The following NOX4 variants were observed in gnomAD, a reference collection of about 807,000 sequenced individuals.
NOX4 encodes the protein kidney oxidase-1.
NOX4 carries 69 observed loss-of-function variants against 87.6 expected under a neutral mutation model. The observed-to-expected ratio is 0.79, with a 90% CI of 0.65 to 0.96. The LOEUF is 0.96. Ranked by LOEUF, NOX4 falls within the 40% of genes least tolerant of loss-of-function variation. The probability of loss-of-function intolerance (pLI) is 0.00; values close to 1 mark genes in which losing one functional copy is unlikely to be tolerated. For synonymous variants in NOX4, 275 were observed against 238.2 expected, an observed-to-expected ratio of 1.15 and a Z score of -1.42; for missense variants, 680 against 681.5, an observed-to-expected ratio of 1.00 and a Z score of 0.02.
chr11:89,329,025 G>T (rs751628801), intron 17 of NOX4, among the ~76,000 whole-genome samples: 1 of 151,832 alleles, frequency 6.6e-6, no homozygotes, highest in Non-Finnish European at 1.5e-5. Context: ...ACCAGTCTGT[G>T]GTATATTGCT....
At chr11:89,407,086 C>T (rs914657213) in intron 8 of NOX4, among the ~76,000 whole-genome samples, 26 of 152,214 alleles carry the variant, frequency 1.7e-4, no homozygotes, top group African/African-American at 6.0e-4. Flanking sequence ...CACTGCCAAA[C>T]CTCTGCATCC....
upstream of NOX4, among the ~76,000 whole-genome samples, chr11:89,491,935 C>T (rs940734339): frequency 2.6e-5 from 4 of 152,112 alleles, no homozygotes; most frequent in Non-Finnish European, 5.9e-5. Context: ...CCCTGACAGC[C>T]TTACCTAAGG....
At chr11:89,327,447 CTTT>C (rs1187946985) in intron 17 of NOX4, among the ~76,000 whole-genome samples, 1 of 152,070 alleles carries the variant, frequency 6.6e-6, no homozygotes, top group Non-Finnish European at 1.5e-5. Flanking sequence ...TCATCTAGTT[CTTT>C]TTTATTTATG....
rs780329031 is a variant in NOX4 at position 89,402,387 on chromosome 11, G to A, written c.785C>T (p.Thr262Ile). Residue 262 changes from threonine (T) to isoleucine (I), a missense_variant, in exon 9 of 18, where the codon ACC becomes ATC. Thr to Ile is a moderately conservative substitution (Grantham distance 89). Coordinates refer to ENST00000263317, the MANE Select transcript of NOX4 (RefSeq NM_016931.5). The stretch of plus-strand genomic sequence containing the variant: ...ACAAATCTTCACAAATTTGTGCTGG[G>A]TAAACTCTGCCGGTTTTGAAAATCC... ...PEGFSKPAEF[T>I]QHKFVKICME... The A allele has an allele frequency of 3.7e-6, 6 of 1,613,142 alleles. No homozygotes were observed. In the African/African-American group the frequency reaches 6.7e-5, roughly 18 times the overall value.
chr11:89,338,373 A>G (rs142737675), intron 15 of NOX4, among the ~76,000 whole-genome samples: 7 of 152,092 alleles, frequency 4.6e-5, no homozygotes, highest in Non-Finnish European at 8.8e-5. Flanking sequence ...GTATATCATA[A>G]TTTGTTCATT....
chr11:89,468,227 T>C (rs771964488), intron 2 of NOX4, among the ~76,000 whole-genome samples: 22 of 152,188 alleles, frequency 1.4e-4, no homozygotes, highest in African/African-American at 4.8e-4. Context: ...TGTGTCTCTG[T>C]AACTTCCACC....
chr11:89,419,617 T>C (rs1942979170), intron 8 of NOX4, among the ~76,000 whole-genome samples: 1 of 151,438 alleles, frequency 6.6e-6, no homozygotes, highest in African/African-American at 2.4e-5. Flanking sequence ...TAAATACATA[T>C]TAATTTAGTT....
chr11:89,332,350 T>C (rs1945509997), intron 17 of NOX4, among the ~76,000 whole-genome samples: 1 of 151,886 alleles, frequency 6.6e-6, no homozygotes, highest in Admixed American at 6.6e-5. Flanking sequence ...GTAGTAATTC[T>C]CTACTCAAAA....
At chr11:89,527,706 G>T in the NOX4 span, among the ~76,000 whole-genome samples, 1 of 152,168 alleles carries the variant, frequency 6.6e-6, no homozygotes. Context: ...TGATGTTTGG[G>T]AACCTGTGCC....
chr11:89,563,775 A>G, the NOX4 span, among the ~76,000 whole-genome samples: 1 of 152,228 alleles, frequency 6.6e-6, no homozygotes, highest in South Asian at 2.1e-4. Flanking sequence ...AGTGTTTGCT[A>G]TATTATTTGT....
the NOX4 span, among the ~76,000 whole-genome samples, chr11:89,508,514 G>A: frequency 6.6e-6 from 1 of 152,164 alleles, no homozygotes; most frequent in Admixed American, 6.6e-5. Flanking sequence ...TTTTGAACGT[G>A]CCAGCTTCTA....
the NOX4 span, among the ~76,000 whole-genome samples, chr11:89,546,182 T>C: frequency 2.0e-5 from 3 of 152,172 alleles, no homozygotes; most frequent in African/African-American, 7.2e-5. Context: ...ATTACTCTTC[T>C]GCATAATTAT....
chr11:89,365,622 G>C (rs1938903867), intron 12 of NOX4, among the ~76,000 whole-genome samples: 1 of 151,154 alleles, frequency 6.6e-6, no homozygotes, highest in African/African-American at 2.4e-5. Context: ...TTCATCAAAA[G>C]AAACACCTCA....
the NOX4 span, among the ~76,000 whole-genome samples, chr11:89,539,299 G>A: frequency 7.9e-5 from 12 of 152,102 alleles, no homozygotes; most frequent in Admixed American, 3.3e-4. Context: ...AGGCGTGGTG[G>A]CATGCACCTG....
At position 89,366,573 on chromosome 11, in the gene NOX4, G is replaced by A. The variant is rs546464326; in HGVS notation, c.1135+6859C>T. Among the ~76,000 whole-genome samples the A allele has an allele frequency of 1.1e-4, 16 of 151,856 alleles. No individual in the cohort carries two copies. The South Asian group carries it at 3.3e-3, about 32-fold the overall frequency. ...AGCCTGTGGTCCCAGTTACTCAGGA[G>A]GCTGACATGTGAGGATCCATAGATC... On this transcript the variant is annotated intron_variant, in intron 12 of 17. Transcript: ENST00000263317.
chr11:89,421,697 A>T (rs1943090819), intron 8 of NOX4, among the ~76,000 whole-genome samples: 1 of 152,158 alleles, frequency 6.6e-6, no homozygotes. Flanking sequence ...TAAATTTAGT[A>T]TACTTTATAC....
upstream of NOX4, among the ~76,000 whole-genome samples, chr11:89,503,129 T>C (rs980548730): frequency 6.6e-6 from 1 of 152,018 alleles, no homozygotes; most frequent in African/African-American, 2.4e-5. Flanking sequence ...GTTCGATAAA[T>C]GTGGACAGGC....
intron 13 of NOX4, among the ~76,000 whole-genome samples, chr11:89,350,197 A>C (rs936237620): frequency 6.6e-6 from 1 of 152,208 alleles, no homozygotes; most frequent in Admixed American, 6.5e-5. Context: ...GAGCTCACAA[A>C]TGTAAAAATT....
chr11:89,502,437 C>T (rs1303879652), upstream of NOX4, among the ~76,000 whole-genome samples: 2 of 151,956 alleles, frequency 1.3e-5, no homozygotes, highest in East Asian at 3.9e-4. Context: ...GATTGGAACA[C>T]AAATGTGCTG....
Sources: gnomAD v4.1 joint callset for allele counts (sites outside exome capture counted in the v4.1 genomes callset) on GRCh38, gnomAD v4.1.1 for gene constraint, MANE v1.5 for transcripts, NCBI Gene and HGNC (gene_info 2026-07-23, HGNC 2026-07-21) for gene names.